Variants in SOX5 observed in about 807,000 individuals in gnomAD.
SOX5 encodes transcription factor SOX-5.
SOX5 carries 9 observed loss-of-function variants against 92.0 expected under a neutral mutation model. The ratio of observed to expected loss-of-function variants is 0.10; its 90% CI spans 0.06 to 0.17. The LOEUF (loss-of-function observed/expected upper bound fraction) is 0.17. SOX5 is among the 10% of genes least tolerant of loss of function. The pLI, the probability that SOX5 is intolerant of heterozygous loss-of-function variation, is 1.00. For missense variants in SOX5, 642 were observed against 944.5 expected, an observed-to-expected ratio of 0.68 and a Z score of 4.20; for synonymous variants, 344 against 336.3, an observed-to-expected ratio of 1.02 and a Z score of -0.25.
intron 10 of SOX5, among the ~76,000 whole-genome samples, chr12:23,570,933 ATAT>A (rs1948215287): frequency 4.9e-4 from 4 of 8,224 alleles, no homozygotes; most frequent in Non-Finnish European, 6.5e-4. Context: ...AAAAAAAAAT[ATAT>A]ATATATATAT....
At chr12:23,547,021 C>T (rs1943263611) in intron 11 of SOX5, among the ~76,000 whole-genome samples, 1 of 151,974 alleles carries the variant, frequency 6.6e-6, no homozygotes, top group Non-Finnish European at 1.5e-5. Context: ...GATTGCTAAG[C>T]CAAAATATTG....
intron 2 of SOX5, among the ~76,000 whole-genome samples, chr12:24,293,216 T>G (rs1416982694): frequency 6.6e-6 from 1 of 152,050 alleles, no homozygotes; most frequent in African/African-American, 2.4e-5. Flanking sequence ...GAAGGAGAGT[T>G]GGAATACAAA....
intron 1 of SOX5, among the ~76,000 whole-genome samples, chr12:24,371,617 T>A (rs1956750671): frequency 6.6e-6 from 1 of 152,224 alleles, no homozygotes; most frequent in African/African-American, 2.4e-5. Context: ...AGACACCAGA[T>A]TGCTATTCCT....
chr12:24,497,312 A>G (rs988445333), intron 1 of SOX5, among the ~76,000 whole-genome samples: 1 of 152,360 alleles, frequency 6.6e-6, no homozygotes, highest in South Asian at 2.1e-4. Context: ...TTTTTAAAAA[A>G]GTATGTTCCT....
In SOX5 at chr12:24,181,211, C is replaced by T. The variant is rs975028691; in HGVS notation, c.-2+32132G>A. ...TCATTTCTAATATTCACCGTAAACA[C>T]TGACTTTTTGACCTGGCTCCCCATT... On this transcript the variant is annotated intron_variant, in intron 4 of 4. Coordinates refer to the SOX5 transcript ENST00000446891. 2.0e-4 allele frequency among the ~76,000 whole-genome samples: 31 copies of T among 152,288 alleles called. No homozygotes were observed. In the Middle Eastern group the frequency reaches 0.01, roughly 50 times the overall value.
chr12:23,994,182 T>G (rs10771052), intron 4 of SOX5, among the ~76,000 whole-genome samples: 95,973 of 151,846 alleles, frequency 0.63, 30,453 homozygotes, highest in Non-Finnish European at 0.66. Flanking sequence ...TAAAGGTGTA[T>G]CATGAGAGGG....
At chr12:24,443,743 T>C (rs542066676) in intron 1 of SOX5, among the ~76,000 whole-genome samples, 1 of 152,362 alleles carries the variant, frequency 6.6e-6, no homozygotes, top group South Asian at 2.1e-4. Context: ...TCAGATGTTA[T>C]TGAGCATTAT....
chr12:23,757,056 A>T (rs780489961), intron 3 of SOX5, among the ~76,000 whole-genome samples: 1 of 151,938 alleles, frequency 6.6e-6, no homozygotes, highest in African/African-American at 2.4e-5. Context: ...CTTCTGTCTC[A>T]CATGTCAGAA....
chr12:23,616,547 C>G (rs2076580691), intron 8 of SOX5, among the ~76,000 whole-genome samples: 1 of 152,284 alleles, frequency 6.6e-6, no homozygotes, highest in African/African-American at 2.4e-5. Flanking sequence ...TTCACATACA[C>G]ATAATCTGAG....
At chr12:23,796,064 T>C (rs1044720390) in intron 3 of SOX5, among the ~76,000 whole-genome samples, 3 of 152,144 alleles carry the variant, frequency 2.0e-5, no homozygotes, top group African/African-American at 7.2e-5. Flanking sequence ...CTGTTACTTA[T>C]TGATACCCAA....
chr12:23,805,941 G>T (rs2095762092), intron 3 of SOX5, among the ~76,000 whole-genome samples: 1 of 152,040 alleles, frequency 6.6e-6, no homozygotes, highest in South Asian at 2.1e-4. Context: ...CTCTTCTAGG[G>T]GTAGTGCAGA....
chr12:23,622,340 A>T (rs1488459532), intron 8 of SOX5, among the ~76,000 whole-genome samples: 1 of 152,150 alleles, frequency 6.6e-6, no homozygotes, highest in African/African-American at 2.4e-5. Flanking sequence ...TTTAAGGGCT[A>T]GAAGTCTATT....
At chr12:23,655,281 C>T (rs1257341239) in intron 7 of SOX5, among the ~76,000 whole-genome samples, 1 of 152,038 alleles carries the variant, frequency 6.6e-6, no homozygotes, top group Non-Finnish European at 1.5e-5. Context: ...GTATTCCCGC[C>T]TGACTGCTAA....
intron 1 of SOX5, among the ~76,000 whole-genome samples, chr12:24,505,882 TG>T (rs1430948644): frequency 6.6e-6 from 1 of 151,322 alleles, no homozygotes; most frequent in Admixed American, 6.6e-5. Flanking sequence ...TGCGCATCAC[TG>T]CAGGAGATGA....
At chr12:24,287,592 CTTTTTTT>C (rs763973565) in intron 2 of SOX5, among the ~76,000 whole-genome samples, 1,558 of 79,732 alleles carry the variant, frequency 0.02, 19 homozygotes, top group African/African-American at 0.06. Flanking sequence ...TTCTCAAATC[CTTTTTTT>C]TTTTTTTTTT....
intron 3 of SOX5, among the ~76,000 whole-genome samples, chr12:24,216,804 T>C (rs1215726564): frequency 6.6e-6 from 1 of 152,100 alleles, no homozygotes; most frequent in Non-Finnish European, 1.5e-5. Flanking sequence ...GGTGCACGCC[T>C]ATAATCCCAG....
intron 1 of SOX5, among the ~76,000 whole-genome samples, chr12:24,513,553 A>T (rs1043028015): frequency 2.0e-5 from 3 of 152,216 alleles, no homozygotes; most frequent in Non-Finnish European, 2.9e-5. Context: ...CAGAGGGTCA[A>T]ATTCAGATCA....
rs143697144 is a variant in SOX5, at chr12:24,371,040, T to G, written c.-250-2401A>C. Reference sequence around the variant, plus strand: ...ATTTTATTCCATGAATAGGTTATATTATATAACACAGGTGATTTTGAGACA... The same window carrying G: ...ATTTTATTCCATGAATAGGTTATATGATATAACACAGGTGATTTTGAGACA... On this transcript the variant is annotated intron_variant, in intron 1 of 4. Coordinates refer to the SOX5 transcript ENST00000446891. Among the ~76,000 whole-genome samples the G allele has an allele frequency of 1.1e-4, 16 of 152,304 alleles. No individual in the cohort carries two copies. The East Asian group carries it at 1.7e-3, about 17-fold the overall frequency.
intron 1 of SOX5, among the ~76,000 whole-genome samples, chr12:24,392,750 A>G (rs892792913): frequency 4.6e-5 from 7 of 152,188 alleles, no homozygotes; most frequent in Non-Finnish European, 8.8e-5. Context: ...TGGCATTTAT[A>G]TTAATAATGG....
Sources: gnomAD v4.1 joint callset for allele counts (sites outside exome capture counted in the v4.1 genomes callset) on GRCh38, gnomAD v4.1.1 for gene constraint, MANE v1.5 for transcripts, NCBI Gene and HGNC (gene_info 2026-07-23, HGNC 2026-07-21) for gene names.